Variants in DISP3 observed in about 807,000 individuals in gnomAD.
The protein encoded by DISP3 is protein dispatched homolog 3.
In DISP3, 101 loss-of-function variants were observed where a neutral mutation model predicts 135.3. That is an observed-to-expected ratio of 0.75 (90% CI 0.64 to 0.88). The LOEUF (loss-of-function observed/expected upper bound fraction) is 0.88, where lower values mean the gene tolerates loss of function less well. DISP3 is among the 40% of genes least tolerant of loss of function. The probability of loss-of-function intolerance (pLI) is 0.00; values close to 1 mark genes in which losing one functional copy is unlikely to be tolerated. For missense variants in DISP3, 1,713 were observed against 1,878.6 expected (o/e 0.91, Z 1.63); for synonymous variants, 856 against 817.0 (o/e 1.05, Z -0.81).
chr1:11,534,599 C>A, intron 18 of DISP3, 59 bp downstream of exon 18: 1 of 1,550,256 alleles, frequency 6.5e-7, no homozygotes, highest in Non-Finnish European at 8.7e-7. Flanking sequence ...GACCTGGGGC[C>A]GGGAGGGCAC....
rs748540640 is a variant in DISP3, at chr1:11,502,910, G to C, written c.1316+13G>C. 6.2e-7 allele frequency: 1 copy of C among 1,600,674 alleles called. No homozygotes were observed. Among genetic ancestry groups the C allele is most frequent in the Non-Finnish European group, 8.5e-7 (1 of 1,170,604 alleles). ...AGCAGTCTACCAGGTAGGAAGTCCA[G>C]CTGCATCCTGTGTGTGCATGCCCAT... is the stretch of plus-strand genomic sequence containing the variant. On this transcript the variant is annotated intron_variant, in intron 3 of 20. Coordinates refer to ENST00000294484, the MANE Select transcript of DISP3 (RefSeq NM_020780.2).
At position 11,501,165 on chromosome 1, in the gene DISP3, C is replaced by T. The variant is rs1641501493; in HGVS notation, c.173C>T (p.Ser58Leu). ...CCCCTGGCTTCCCGACCCCCAGCTT[C>T]GGGCTTCTGGAGTACCCTGGGCTGG... is the stretch of plus-strand genomic sequence containing the variant. The part of the protein sequence containing the change: ...HWPLASRPPA[S>L]GFWSTLGWAF... The change falls in exon 2 of 21, where the codon TCG (serine) becomes TTG (leucine). Residue 58 changes from serine (S) to leucine (L), a missense_variant. Physicochemically the swap from Ser to Leu is moderately radical, Grantham distance 145. Coordinates refer to ENST00000294484, the MANE Select transcript of DISP3 (RefSeq NM_020780.2). The surrounding 1 kb of genome is among the most constrained non-coding windows in gnomAD (Gnocchi z 4.9). The T allele has an allele frequency of 1.9e-6, 3 of 1,613,988 alleles. No individual in the cohort carries two copies. The highest frequency in any genetic ancestry group is 1.7e-6 in the Non-Finnish European group (2 of 1,179,954).
intron 19 of DISP3, 47 bp from the exon 20 acceptor site, chr1:11,535,431 C>T (rs772096847): frequency 1.3e-6 from 2 of 1,560,936 alleles, no homozygotes; most frequent in Non-Finnish European, 1.7e-6. Context: ...CCTCTGAGGC[C>T]TCCAGGGCGG....
chr1:11,479,299 GC>G lies in DISP3; in HGVS notation c.-75del, dbSNP rs1640823693. On this transcript the variant is annotated 5_prime_UTR_variant, in exon 1 of 21. Coordinates refer to ENST00000294484, the MANE Select transcript of DISP3 (RefSeq NM_020780.2). ...GGAGACGAGTCTGCGCAGCGTGGTG[GC>G]CGCCGCCCCCCGACCCTCTGCGCAC... 1 of 156,780 alleles carries G rather than the reference GC, an allele frequency of 6.4e-6. No individual in the cohort carries two copies. Among genetic ancestry groups the G allele is most frequent in the South Asian group, 2.1e-4 (1 of 4,824 alleles). 9.7% of individuals were successfully genotyped at this position (156,780 alleles called of 1,614,324 possible). A position where few individuals can be genotyped will look rare whatever the true frequency, so the allele number is the denominator to read the frequency against.
In DISP3 at chr1:11,516,178, C is replaced by T; in HGVS notation, c.1749+17C>T. On this transcript the variant is annotated intron_variant, in intron 6 of 20. Transcript: ENST00000294484. This position sits in a 1 kb window ranked among gnomAD's most constrained non-coding sequence, Gnocchi z 5.1. Reference sequence around the variant, plus strand: ...TTCTCCCAGGTGCGGACCTGTCCTCCATTCCTGTCCTGGCCTCCCACACGC... The same window carrying T: ...TTCTCCCAGGTGCGGACCTGTCCTCTATTCCTGTCCTGGCCTCCCACACGC... 6.2e-7 allele frequency: 1 copy of T among 1,610,570 alleles called. No homozygotes were observed. The highest frequency in any genetic ancestry group is 8.5e-7 in the Non-Finnish European group (1 of 1,177,926).
chr1:11,521,422 G>GGAGA (rs1300920764), intron 10 of DISP3, among the ~76,000 whole-genome samples: 1 of 113,400 alleles, frequency 8.8e-6, no homozygotes. Flanking sequence ...AGGAGGGAAG[G>GGAGA]GGTTAGCCAG....
At chr1:11,534,323 G>A in intron 17 of DISP3, 58 bp from the exon 18 acceptor site, 1 of 1,595,536 alleles carries the variant, frequency 6.3e-7, no homozygotes, top group Middle Eastern at 1.7e-4. Flanking sequence ...CCATGCCTGG[G>A]AAGGGCGGGT....
rs2745268 is a variant in DISP3 at position 11,510,880 on chromosome 1, T to C, written c.1317-3510T>C. Among the ~76,000 whole-genome samples, 2 of 152,148 alleles carry C rather than the reference T, an allele frequency of 1.3e-5. 1 individual carries two copies. The highest frequency in any genetic ancestry group is 4.1e-4 in the South Asian group (2 of 4,824). On this transcript the variant is annotated intron_variant, in intron 3 of 20. Transcript: ENST00000294484. ...AAAAAAAAGAGATTTAATTGGACTT[T>C]CAGTTCCACATGGCTGGGGAGGACT...
intron 1 of DISP3, among the ~76,000 whole-genome samples, chr1:11,489,204 C>T (rs1557591598): frequency 6.6e-6 from 1 of 152,250 alleles, no homozygotes; most frequent in Admixed American, 6.5e-5. Context: ...AGCTCCATCC[C>T]GAGTGCCTCA....
At chr1:11,493,111 TG>T (rs1253137553) in intron 1 of DISP3, among the ~76,000 whole-genome samples, 1 of 152,180 alleles carries the variant, frequency 6.6e-6, no homozygotes. Context: ...TTATGGAGGC[TG>T]AGAAGCCCCA....
rs1641438317 is a variant in DISP3, at chr1:11,499,472, A to C, written c.-3-1518A>C. Reference sequence around the variant, plus strand: ...GCGAATACAAATCGGGACTCAGAGCAGTTACCATCCCCTCGGCAAGCTGGC... The same window carrying C: ...GCGAATACAAATCGGGACTCAGAGCCGTTACCATCCCCTCGGCAAGCTGGC... On this transcript the variant is annotated intron_variant, in intron 1 of 20. Coordinates refer to ENST00000294484, the MANE Select transcript of DISP3 (RefSeq NM_020780.2). The surrounding 1 kb of genome is among the most constrained non-coding windows in gnomAD (Gnocchi z 5.2). 6.6e-6 allele frequency among the ~76,000 whole-genome samples: 1 copy of C among 152,178 alleles called. No individual in the cohort carries two copies. Among genetic ancestry groups the C allele is most frequent in the Non-Finnish European group, 1.5e-5 (1 of 68,040 alleles).
chr1:11,517,403 C>T, intron 6 of DISP3, 60 bp from the exon 7 acceptor site: 1 of 1,595,376 alleles, frequency 6.3e-7, no homozygotes, highest in Admixed American at 1.7e-5. Context: ...AGGGGGCACC[C>T]AGGCCCCCTG....
Position 11,516,023 on chromosome 1 carries a change from C to T in DISP3, c.1611C>T (p.Phe537=), listed in dbSNP as rs201186012. 1.4e-5 allele frequency: 22 copies of T among 1,614,038 alleles called. No homozygotes were observed. The East Asian group carries it at 4.9e-4, about 36-fold the overall frequency. ...VGIGVDDVFV[F]INTYRQATHL... is the part of the protein sequence containing the mutation. The stretch of plus-strand genomic sequence containing the variant: ...CAGGTGTGGACGATGTCTTTGTGTT[C>T]ATCAACACCTACCGCCAGGCCACCC... Residue 537 remains phenylalanine, a synonymous_variant, in exon 6 of 21, where the codon TTC becomes TTT. Transcript: ENST00000294484. The surrounding 1 kb of genome is among the most constrained non-coding windows in gnomAD (Gnocchi z 5.1).
chr1:11,509,409 T>C (rs1386124539), intron 3 of DISP3, among the ~76,000 whole-genome samples: 1 of 152,174 alleles, frequency 6.6e-6, no homozygotes, highest in East Asian at 1.9e-4. Context: ...TTAGATCAAG[T>C]TCATTGATTG....
At position 11,535,594 on chromosome 1, in the gene DISP3, G is replaced by A; in HGVS notation, c.3766G>A (p.Val1256Ile). The A allele has an allele frequency of 6.2e-7, 1 of 1,613,322 alleles. No individual in the cohort carries two copies. The highest frequency in any genetic ancestry group is 8.5e-7 in the Non-Finnish European group (1 of 1,179,884). ...GSSVDYCVHLVEGYLLAGENL... is the reference protein window; with the variant it reads ...GSSVDYCVHLIEGYLLAGENL... ...CTCCGTGGATTACTGCGTCCACCTG[G>A]TCGAGGGCTACCTGCTGGCTGGAGA... is the stretch of plus-strand genomic sequence containing the variant. The change falls in exon 20 of 21, where the codon GTC (valine) becomes ATC (isoleucine). Residue 1256 changes from valine to isoleucine, a missense_variant. Around this residue, in one of 2 missense-constraint regions of DISP3, gnomAD observed 1,142 missense variants for 1,384.6 expected, o/e 0.82. Coordinates refer to ENST00000294484, the MANE Select transcript of DISP3 (RefSeq NM_020780.2).
chr1:11,501,265 C>T lies in DISP3; in HGVS notation c.273C>T (p.Phe91=), dbSNP rs772935772. The change falls in exon 2 of 21, where the codon TTC becomes TTT. Residue 91 remains phenylalanine (F), a synonymous_variant. Coordinates refer to ENST00000294484, the MANE Select transcript of DISP3 (RefSeq NM_020780.2). The surrounding 1 kb of genome is among the most constrained non-coding windows in gnomAD (Gnocchi z 4.9). ...GCSIPMALSA[F]MFLYYPPLDI... is the part of the protein sequence containing the mutation. Reference sequence around the variant, plus strand: ...GCATCCCCATGGCCCTGTCAGCCTTCATGTTCCTTTACTACCCACCGCTGG... The same window carrying T: ...GCATCCCCATGGCCCTGTCAGCCTTTATGTTCCTTTACTACCCACCGCTGG... 1.2e-6 allele frequency: 2 copies of T among 1,614,178 alleles called. No homozygotes were observed. The highest frequency in any genetic ancestry group is 1.7e-6 in the Non-Finnish European group (2 of 1,180,034).
intron 3 of DISP3, among the ~76,000 whole-genome samples, chr1:11,510,738 G>A (rs1641834459): frequency 6.6e-6 from 1 of 152,188 alleles, no homozygotes; most frequent in African/African-American, 2.4e-5. Flanking sequence ...GGAGGCCAAA[G>A]TGGGAGGATT....
intron 3 of DISP3, among the ~76,000 whole-genome samples, chr1:11,506,549 C>T (rs1045070990): frequency 5.9e-5 from 9 of 151,330 alleles, no homozygotes; most frequent in African/African-American, 1.2e-4. Context: ...TGTTATTGTT[C>T]GGTTTTTCCT....
Position 11,501,229 on chromosome 1 carries a change from C to A in DISP3, c.237C>A (p.Phe79Leu). 6.2e-7 allele frequency: 1 copy of A among 1,614,192 alleles called. No homozygotes were observed. The highest frequency in any genetic ancestry group is 1.7e-5 in the Admixed American group (1 of 60,028). The part of the protein sequence containing the change: ...TNPCCAGLVL[F>L]LGCSIPMALS... ...CGTGCTGTGCTGGGCTGGTGCTCTT[C>A]CTGGGCTGCAGCATCCCCATGGCCC... The change falls in exon 2 of 21, where the codon TTC becomes TTA. Residue 79 changes from phenylalanine to leucine, a missense_variant. Around this residue, in one of 2 missense-constraint regions of DISP3, gnomAD observed 571 missense variants for 494.1 expected, o/e 1.16. Coordinates refer to ENST00000294484, the MANE Select transcript of DISP3 (RefSeq NM_020780.2). The surrounding 1 kb of genome is among the most constrained non-coding windows in gnomAD (Gnocchi z 4.9).
Sources: allele counts gnomAD v4.1 joint callset (sites outside exome capture counted in the v4.1 genomes callset), GRCh38; gene constraint gnomAD v4.1.1; regional missense constraint gnomAD v4.1.1; non-coding constraint Gnocchi (gnomAD v3.1); transcripts MANE v1.5; gene names NCBI Gene and HGNC (gene_info 2026-07-23, HGNC 2026-07-21).